Variants in FAIM2 observed in about 807,000 individuals in gnomAD.
FAIM2 encodes the protein Fas apoptotic inhibitory molecule 2.
Under a neutral mutation model 47.4 loss-of-function variants are expected in FAIM2, and 27 were observed. The ratio of observed to expected loss-of-function variants is 0.57; its 90% CI spans 0.42 to 0.78. The LOEUF (loss-of-function observed/expected upper bound fraction) is 0.78, where lower values mean the gene tolerates loss of function less well. Ranked by LOEUF, FAIM2 falls within the 30% of genes least tolerant of loss-of-function variation. The pLI, the probability that FAIM2 is intolerant of heterozygous loss-of-function variation, is 0.00. For synonymous variants in FAIM2, 156 were observed against 159.3 expected (o/e 0.98, Z 0.16); for missense variants, 311 against 389.4 (o/e 0.80, Z 1.69).
In FAIM2 at chr12:49,874,040, A is replaced by T. The variant is rs1946719883; in HGVS notation, c.802-3387T>A. On this transcript the variant is annotated intron_variant, in intron 11 of 11. Transcript: ENST00000320634. This position sits in a 1 kb window ranked among gnomAD's most constrained non-coding sequence, Gnocchi z 4.2. ...TTGGAGATGGAAAGCATTGTTAACTAATGTCTTGGTTGAGAGCAGGTATCT... is the reference window on the plus strand; with the variant it reads ...TTGGAGATGGAAAGCATTGTTAACTTATGTCTTGGTTGAGAGCAGGTATCT... Among the ~76,000 whole-genome samples the T allele has an allele frequency of 6.6e-6, 1 of 152,164 alleles. No individual in the cohort carries two copies. The highest frequency in any genetic ancestry group is 1.5e-5 in the Non-Finnish European group (1 of 68,032).
intron 11 of FAIM2, among the ~76,000 whole-genome samples, chr12:49,880,397 AGT>A (rs1469421575): frequency 1.9e-4 from 25 of 128,552 alleles, no homozygotes; most frequent in African/African-American, 7.3e-4. Flanking sequence ...TGTGCATGTG[AGT>A]GTATGTATGT....
At chr12:49,880,029 T>C (rs1357610292) in intron 11 of FAIM2, among the ~76,000 whole-genome samples, 1 of 118,566 alleles carries the variant, frequency 8.4e-6, no homozygotes, top group African/African-American at 3.5e-5. Context: ...TCTGTGTGCA[T>C]GTGAGTGTAT....
intron 5 of FAIM2, among the ~76,000 whole-genome samples, chr12:49,896,081 C>T (rs199777486): frequency 2.0e-5 from 3 of 152,216 alleles, no homozygotes; most frequent in East Asian, 3.9e-4. Flanking sequence ...ATGTGGGCTG[C>T]GTGTACAGGC....
chr12:49,889,589 G>T (rs776158913), intron 8 of FAIM2, 21 bp from the exon 9 acceptor site: 5 of 1,608,154 alleles, frequency 3.1e-6, no homozygotes, highest in Non-Finnish European at 4.3e-6. Flanking sequence ...TCAGGCCGAG[G>T]GGTCAGCTCT....
At chr12:49,891,571 A>C (rs986736366) in intron 5 of FAIM2, among the ~76,000 whole-genome samples, 5 of 152,192 alleles carry the variant, frequency 3.3e-5, no homozygotes, top group Admixed American at 1.3e-4. Context: ...AAGCAGGATG[A>C]GAACCCAGGC....
intron 3 of FAIM2, 144 bp from the exon 4 acceptor site, chr12:49,897,727 G>A (rs893272975): frequency 3.0e-6 from 2 of 671,274 alleles, no homozygotes; most frequent in Non-Finnish European, 5.2e-6. Context: ...CCCAGGGCAA[G>A]GCGAAAGGAA....
chr12:49,870,256 ACCG>A lies in FAIM2; in HGVS notation c.*245_*247del, dbSNP rs1289768900. Reference sequence around the variant, plus strand: ...AAACCCAGAGGAGCCTTCAGCCTTGACCGTCCCAGTTTGGAAGATGTAACGGGC... The same window carrying A: ...AAACCCAGAGGAGCCTTCAGCCTTGATCCCAGTTTGGAAGATGTAACGGGC... On this transcript the variant is annotated 3_prime_UTR_variant, in exon 12 of 12. Transcript: ENST00000320634. The A allele has an allele frequency of 2.4e-6, 1 of 411,114 alleles. No homozygotes were observed. The highest frequency in any genetic ancestry group is 4.4e-6 in the Non-Finnish European group (1 of 225,216). 25.5% of individuals were successfully genotyped at this position (411,114 alleles called of 1,614,324 possible). A position where few individuals can be genotyped will look rare whatever the true frequency, so the allele number is the denominator to read the frequency against.
chr12:49,886,677 C>T (rs923099807), intron 11 of FAIM2, among the ~76,000 whole-genome samples: 1 of 152,010 alleles, frequency 6.6e-6, no homozygotes, highest in Non-Finnish European at 1.5e-5. Flanking sequence ...GGGGTTTCAC[C>T]ATGTTAGCCA....
At chr12:49,881,583 C>T (rs1362002215) in intron 11 of FAIM2, among the ~76,000 whole-genome samples, 4 of 152,144 alleles carry the variant, frequency 2.6e-5, no homozygotes, top group East Asian at 1.9e-4. Flanking sequence ...ATTCCCTGCC[C>T]CATCACGCCA....
chr12:49,879,964 A>AAG, intron 11 of FAIM2, among the ~76,000 whole-genome samples: 1 of 44,716 alleles, frequency 2.2e-5, no homozygotes, highest in African/African-American at 1.4e-4. Context: ...TTGTATGTGC[A>AAG]TGTGTGTGTA....
In FAIM2 at chr12:49,903,877, G is replaced by T; in HGVS notation, c.-85C>A. On this transcript the variant is annotated 5_prime_UTR_variant, in exon 1 of 12. Transcript: ENST00000320634. ...CCTGCCTGCGTCTCTTCCTTCCTCC[G>T]CGTGGGTTCTAGCAACATCCACTGC... 1 of 1,408,816 alleles carries T rather than the reference G, an allele frequency of 7.1e-7. No individual in the cohort carries two copies. Among genetic ancestry groups the T allele is most frequent in the East Asian group, 2.6e-5 (1 of 38,420 alleles). The allele number at this position is 1,408,816 out of a possible 1,614,324, so 87.3% of individuals were successfully genotyped here.
At chr12:49,900,134 A>C (rs1306679566) in intron 2 of FAIM2, 4 of 1,128,464 alleles carry the variant, frequency 3.5e-6, no homozygotes, top group Non-Finnish European at 4.7e-6. Context: ...GGAAGGGAGG[A>C]GGACACCCAC....
At chr12:49,873,168 C>T (rs981002734) in intron 11 of FAIM2, among the ~76,000 whole-genome samples, 2 of 152,004 alleles carry the variant, frequency 1.3e-5, no homozygotes, top group Admixed American at 6.6e-5. Flanking sequence ...GAAGGGCACT[C>T]CAGACAGGAA....
At chr12:49,895,869 G>A (rs1946933130) in intron 5 of FAIM2, among the ~76,000 whole-genome samples, 2 of 152,224 alleles carry the variant, frequency 1.3e-5, no homozygotes, top group South Asian at 4.1e-4. Flanking sequence ...CAGGCAGTCA[G>A]AACCTTGACC....
intron 11 of FAIM2, among the ~76,000 whole-genome samples, chr12:49,876,017 G>A (rs1946734275): frequency 6.6e-6 from 1 of 152,196 alleles, no homozygotes; most frequent in Non-Finnish European, 1.5e-5. Context: ...TCAATAGCCT[G>A]TGGCAGTAAG....
rs779863535 is a variant in FAIM2, at chr12:49,890,101, C to T, written c.563+16G>A. 4.3e-6 allele frequency: 7 copies of T among 1,613,290 alleles called. No homozygotes were observed. Among genetic ancestry groups the T allele is most frequent in the Admixed American group, 3.3e-5 (2 of 59,990 alleles). ...CTGGCCTATGGTCCTTCTCTCCTTC[C>T]ACCTGTTCCCTTTACCTGGACAGCA... On this transcript the variant is annotated intron_variant, in intron 8 of 11. Transcript: ENST00000320634.
chr12:49,875,805 G>A (rs769705376), intron 11 of FAIM2, among the ~76,000 whole-genome samples: 9 of 152,178 alleles, frequency 5.9e-5, no homozygotes, highest in South Asian at 2.1e-4. Flanking sequence ...TGAAACCCCC[G>A]TCTCTACTAA....
rs1183234211 is a variant in FAIM2, at chr12:49,874,758, C to T, written c.802-4105G>A. The stretch of plus-strand genomic sequence containing the variant: ...GGACTGTGTCTGTCCTGCATAAATG[C>T]CAGTGTGAGGGCGTGTGGAGGCAAC... On this transcript the variant is annotated intron_variant, in intron 11 of 11. Transcript: ENST00000320634. This position sits in a 1 kb window ranked among gnomAD's most constrained non-coding sequence, Gnocchi z 4.2. Among the ~76,000 whole-genome samples the T allele has an allele frequency of 1.3e-5, 2 of 152,186 alleles. No homozygotes were observed. The highest frequency in any genetic ancestry group is 4.8e-5 in the African/African-American group (2 of 41,442).
At chr12:49,903,291 G>A (rs1477982864) in intron 1 of FAIM2, among the ~76,000 whole-genome samples, 2 of 152,224 alleles carry the variant, frequency 1.3e-5, no homozygotes, top group African/African-American at 4.8e-5. Flanking sequence ...GAGCCAAGAC[G>A]CCCAGATGTG....
Sources: gnomAD v4.1 joint callset for allele counts (sites outside exome capture counted in the v4.1 genomes callset) on GRCh38, gnomAD v4.1.1 for gene constraint, Gnocchi (gnomAD v3.1) non-coding constraint, MANE v1.5 for transcripts, NCBI Gene and HGNC (gene_info 2026-07-23, HGNC 2026-07-21) for gene names.